ZFP82: variants seen among roughly 807,000 people sequenced by gnomAD.
ZFP82 encodes zinc finger protein 82 homolog.
A neutral mutation model predicts 54.0 loss-of-function variants in ZFP82; 30 were observed. The ratio of observed to expected loss-of-function variants is 0.56; its 90% CI spans 0.42 to 0.75. ZFP82 has a LOEUF of 0.75. Ranked by LOEUF, ZFP82 falls within the 30% of genes least tolerant of loss-of-function variation. The pLI is 0.00. For synonymous variants in ZFP82, 194 were observed against 209.5 expected (o/e 0.93, Z 0.64); for missense variants, 500 against 636.8 (o/e 0.79, Z 2.31).
chr19:36,388,417 T>TA (rs1318902594), downstream of ZFP82, among the ~76,000 whole-genome samples: 1 of 152,110 alleles, frequency 6.6e-6, no homozygotes, highest in African/African-American at 2.4e-5. Flanking sequence ...TTCTAGTTTT[T>TA]AAAAAACAAG....
intron 4 of ZFP82, among the ~76,000 whole-genome samples, chr19:36,402,867 G>A (rs139890405): frequency 0.019 from 2,830 of 151,968 alleles, 96 homozygotes; most frequent in African/African-American, 0.065. Context: ...GGCCAGGCGC[G>A]GTGGCTCACG....
rs2032196194 is a variant in ZFP82 at position 36,391,339 on chromosome 19, A to G, written c.*1402T>C. On this transcript the variant is annotated 3_prime_UTR_variant, in exon 5 of 5. Coordinates refer to ENST00000392161, the MANE Select transcript of ZFP82 (RefSeq NM_133466.4). ...CAAAATGCTAAATTGACAATTTAGCATTTTTAAAAAACAATGAAGTAGTTT... is the reference window on the plus strand; with the variant it reads ...CAAAATGCTAAATTGACAATTTAGCGTTTTTAAAAAACAATGAAGTAGTTT... The G allele has an allele frequency of 6.6e-6, 1 of 152,112 alleles. No homozygotes were observed. Among genetic ancestry groups the G allele is most frequent in the South Asian group, 2.1e-4 (1 of 4,832 alleles). The allele number at this position is 152,112 out of a possible 1,614,324, so 9.4% of individuals were successfully genotyped here.
chr19:36,407,745 A>G (rs1177917507), intron 3 of ZFP82, 142 bp downstream of exon 3: 9 of 835,488 alleles, frequency 1.1e-5, no homozygotes, highest in East Asian at 2.7e-5. Context: ...CTCACTTCCA[A>G]TGAAATAAAG....
Position 36,396,497 on chromosome 19 carries a change from C to G in ZFP82, c.230-2387G>C, listed in dbSNP as rs2032295977. ...CCCGTCTCTACTAAAAATAGACACA[C>G]ACACAAAAATGAGCTGGGCGGGGTG... On this transcript the variant is annotated intron_variant, in intron 4 of 4. Transcript: ENST00000392161. Among the ~76,000 whole-genome samples, 3 of 151,950 alleles carry G rather than the reference C, an allele frequency of 2.0e-5. No individual in the cohort carries two copies. In the South Asian group the frequency reaches 6.2e-4, roughly 31 times the overall value.
At chr19:36,414,303 T>G (rs550894190) in intron 1 of ZFP82, among the ~76,000 whole-genome samples, 1 of 152,144 alleles carries the variant, frequency 6.6e-6, no homozygotes, top group Admixed American at 6.6e-5. Context: ...TTTTGAGATT[T>G]TTCAGCATTG....
chr19:36,392,542 T>C lies in ZFP82; in HGVS notation c.*199A>G, dbSNP rs2945961. On this transcript the variant is annotated 3_prime_UTR_variant, in exon 5 of 5. Coordinates refer to ENST00000392161, the MANE Select transcript of ZFP82 (RefSeq NM_133466.4). ...GATAGGGATGACGGTAAATGTCTTT[T>C]TCATTCTTATAACAGGATTAGTTTT... is the stretch of plus-strand genomic sequence containing the variant. 0.66 allele frequency: 337,942 copies of C among 514,022 alleles called. 111,978 individuals carry two copies. Among genetic ancestry groups the C allele is most frequent in the African/African-American group, 0.76 (39,118 of 51,658 alleles). The allele number at this position is 514,022 out of a possible 1,614,324, so 31.8% of individuals were successfully genotyped here.
Position 36,391,166 on chromosome 19 carries a change from T to A in ZFP82, c.*1575A>T, listed in dbSNP as rs1275580533. The A allele has an allele frequency of 1.3e-5, 2 of 152,040 alleles. No homozygotes were observed. The highest frequency in any genetic ancestry group is 2.9e-5 in the Non-Finnish European group (2 of 67,996). 9.4% of individuals were successfully genotyped at this position (152,040 alleles called of 1,614,324 possible). ...TATAGTTTGTAAAGGATAGGCAAGG[T>A]AAATATTCCATTCTTTTCCTTTATT... On this transcript the variant is annotated 3_prime_UTR_variant, in exon 5 of 5. Transcript: ENST00000392161.
intron 3 of ZFP82, among the ~76,000 whole-genome samples, chr19:36,407,318 C>G (rs925966027): frequency 3.3e-5 from 5 of 151,764 alleles, no homozygotes; most frequent in African/African-American, 1.2e-4. Context: ...CCTCGTGATC[C>G]GCCCGCCTCG....
chr19:36,399,191 T>C (rs17206372), intron 4 of ZFP82, among the ~76,000 whole-genome samples: 52,918 of 152,074 alleles, frequency 0.35, 10,760 homozygotes, highest in South Asian at 0.5. Flanking sequence ...ATTTAAAATA[T>C]ATGGATAACC....
chr19:36,404,073 T>C (rs1226432138), intron 4 of ZFP82, among the ~76,000 whole-genome samples: 3 of 152,204 alleles, frequency 2.0e-5, no homozygotes, highest in Admixed American at 6.5e-5. Context: ...ATGTTTCTCT[T>C]ATTACAAGGT....
At chr19:36,385,315 G>A (rs1330214803), downstream of ZFP82, among the ~76,000 whole-genome samples, 1 of 152,066 alleles carries the variant, frequency 6.6e-6, no homozygotes, top group Non-Finnish European at 1.5e-5. Context: ...GTCAATCTTG[G>A]GCTTCTCAGT....
rs1327732466 is a variant in ZFP82, at chr19:36,389,619, T to G, written c.*3122A>C. ...CATAATGCCATAGTCATGCCTAACATATGAACAATAAATTATTTCGTATCA... is the reference window on the plus strand; with the variant it reads ...CATAATGCCATAGTCATGCCTAACAGATGAACAATAAATTATTTCGTATCA... On this transcript the variant is annotated 3_prime_UTR_variant, in exon 5 of 5. Coordinates refer to ENST00000392161, the MANE Select transcript of ZFP82 (RefSeq NM_133466.4). Among the ~76,000 whole-genome samples the G allele has an allele frequency of 6.6e-6, 1 of 152,224 alleles. No individual in the cohort carries two copies. The highest frequency in any genetic ancestry group is 1.5e-5 in the Non-Finnish European group (1 of 68,038).
At position 36,418,500 on chromosome 19, in the gene ZFP82, A is replaced by G. The variant is rs1202032207; in HGVS notation, c.-87T>C. ...GCAGTGGCCCCGCTTACCTCTCTTT[A>G]CCCCCTGGGCCGCAGCGCTTTTCCT... is the stretch of plus-strand genomic sequence containing the variant. On this transcript the variant is annotated 5_prime_UTR_variant, in exon 1 of 5. Transcript: ENST00000392161. 2.0e-5 allele frequency: 3 copies of G among 150,270 alleles called. No individual in the cohort carries two copies. The highest frequency in any genetic ancestry group is 4.4e-5 in the Non-Finnish European group (3 of 67,722). The allele number at this position is 150,270 out of a possible 1,614,324, so 9.3% of individuals were successfully genotyped here.
intron 2 of ZFP82, among the ~76,000 whole-genome samples, chr19:36,408,947 C>T (rs1303022438): frequency 2.0e-5 from 3 of 152,184 alleles, no homozygotes; most frequent in South Asian, 2.1e-4. Flanking sequence ...TGGGAGTCAA[C>T]GTGACTACTT....
At chr19:36,396,780 G>C (rs957356841) in intron 4 of ZFP82, among the ~76,000 whole-genome samples, 16 of 151,882 alleles carry the variant, frequency 1.1e-4, no homozygotes, top group East Asian at 7.8e-4. Context: ...GGTCAAGGCT[G>C]CAGTGAGCTC....
rs765935119 is a variant in ZFP82, at chr19:36,392,702, C to T, written c.*39G>A. On this transcript the variant is annotated 3_prime_UTR_variant, in exon 5 of 5. Coordinates refer to ENST00000392161, the MANE Select transcript of ZFP82 (RefSeq NM_133466.4). ...AGCAAAATAGATTAATTACTACATT[C>T]ATAGAATGTTCTATAACACAGAAGT... 6.7e-7 allele frequency: 1 copy of T among 1,497,320 alleles called. No homozygotes were observed. Among genetic ancestry groups the T allele is most frequent in the Admixed American group, 2.3e-5 (1 of 43,062 alleles). The allele number at this position is 1,497,320 out of a possible 1,614,324, so 92.8% of individuals were successfully genotyped here.
chr19:36,385,764 T>C (rs943482786), downstream of ZFP82, among the ~76,000 whole-genome samples: 1 of 152,238 alleles, frequency 6.6e-6, no homozygotes, highest in Non-Finnish European at 1.5e-5. Context: ...AGAATCTGGC[T>C]GAATTTGTGT....
At chr19:36,397,895 T>C (rs2032323539) in intron 4 of ZFP82, among the ~76,000 whole-genome samples, 1 of 152,152 alleles carries the variant, frequency 6.6e-6, no homozygotes, top group African/African-American at 2.4e-5. Flanking sequence ...CTAAAATGGA[T>C]AATTTTTTAG....
intron 4 of ZFP82, 100 bp from the exon 5 acceptor site, chr19:36,394,210 C>T (rs2032257403): frequency 9.2e-7 from 1 of 1,085,848 alleles, no homozygotes; most frequent in South Asian, 1.5e-5. Flanking sequence ...AATCCTTAAC[C>T]AAAACTCTAA....
Sources: gnomAD v4.1 joint callset for allele counts (sites outside exome capture counted in the v4.1 genomes callset) on GRCh38, gnomAD v4.1.1 for gene constraint, MANE v1.5 for transcripts, NCBI Gene and HGNC (gene_info 2026-07-23, HGNC 2026-07-21) for gene names.